Variants in ABCA13 observed in about 807,000 individuals in gnomAD.
ABCA13 encodes the protein ATP binding cassette subfamily A member 13.
Under a neutral mutation model 478.7 loss-of-function variants are expected in ABCA13, and 476 were observed. The observed-to-expected ratio is 0.99, with a 90% confidence interval of 0.92 to 1.07. ABCA13 has a LOEUF of 1.07. Ranked by LOEUF, ABCA13 falls within the 50% of genes least tolerant of loss-of-function variation. The pLI is 0.00. For synonymous variants in ABCA13, 2,252 were observed against 2,158.9 expected (o/e 1.04, Z -1.20); for missense variants, 6,060 against 5,910.6 (o/e 1.03, Z -0.83).
At chr7:48,243,760 CA>C (rs1437017433) in intron 10 of ABCA13, among the ~76,000 whole-genome samples, 2 of 152,228 alleles carry the variant, frequency 1.3e-5, no homozygotes, top group African/African-American at 4.8e-5. Context: ...GCCAGGCACT[CA>C]AAGCAGTGGG....
At chr7:48,413,336 A>G (rs899087245) in intron 41 of ABCA13, among the ~76,000 whole-genome samples, 2 of 152,172 alleles carry the variant, frequency 1.3e-5, no homozygotes, top group African/African-American at 4.8e-5. Flanking sequence ...CCCATCCCCC[A>G]GGTCCCACTT....
intron 55 of ABCA13, among the ~76,000 whole-genome samples, chr7:48,544,780 G>A (rs1918598): frequency 0.14 from 21,307 of 151,794 alleles, 2,082 homozygotes; most frequent in African/African-American, 0.23. Flanking sequence ...ATCCCTGGCC[G>A]ATCCCAAAAG....
At chr7:48,480,898 A>AGAACACC (rs1828686577) in intron 45 of ABCA13, 138 bp from the exon 46 acceptor site, 5 of 627,328 alleles carry the variant, frequency 8.0e-6, no homozygotes, top group Non-Finnish European at 1.4e-5. Flanking sequence ...TTTAGAAATT[A>AGAACACC]GAACATATAA....
At position 48,335,480 on chromosome 7, in the gene ABCA13, A is replaced by C; in HGVS notation, c.10058A>C (p.Glu3353Ala). 6.2e-7 allele frequency: 1 copy of C among 1,613,688 alleles called. No homozygotes were observed. Among genetic ancestry groups the C allele is most frequent in the Non-Finnish European group, 8.5e-7 (1 of 1,179,688 alleles). The change falls in exon 28 of 62, where the codon GAA becomes GCA. Residue 3353 changes from glutamate (E) to alanine (A), a missense_variant. Around this residue, in one of 3 missense-constraint regions of ABCA13, gnomAD observed 4,423 missense variants for 4,309.1 expected, o/e 1.03. Transcript: ENST00000435803. The part of the protein sequence containing the change: ...KLKTLSETLL[E>A]MSSLFQRSGS... ...AAAACTTTATCAGAAACACTGCTGG[A>C]AATGTCCAGCCTTTTCCAGAGAAGT... is the stretch of plus-strand genomic sequence containing the variant.
chr7:48,435,058 A>G (rs985962085), intron 42 of ABCA13, among the ~76,000 whole-genome samples: 1 of 151,872 alleles, frequency 6.6e-6, no homozygotes, highest in Admixed American at 6.6e-5. Flanking sequence ...TAGAAACTTT[A>G]GAAGAATTGT....
At chr7:48,628,603 A>G (rs776012573) in intron 59 of ABCA13, among the ~76,000 whole-genome samples, 1 of 152,174 alleles carries the variant, frequency 6.6e-6, no homozygotes, top group Non-Finnish European at 1.5e-5. Flanking sequence ...ATCTGAACAG[A>G]CTAATATTCC....
chr7:48,337,776 G>A (rs1349105886), intron 28 of ABCA13, among the ~76,000 whole-genome samples: 2 of 152,218 alleles, frequency 1.3e-5, no homozygotes, highest in African/African-American at 4.8e-5. Context: ...AAAGGGGCAA[G>A]ATGTCATGAA....
rs57426846 is a variant in ABCA13, at chr7:48,331,932, C to T, written c.10000-3490C>T. ...CAAGTCCCTGACCCCTGCCAGCCACCAATCAGGTCTTCATTTCTATAATTT... is the reference window on the plus strand; with the variant it reads ...CAAGTCCCTGACCCCTGCCAGCCACTAATCAGGTCTTCATTTCTATAATTT... On this transcript the variant is annotated intron_variant, in intron 27 of 61. Coordinates refer to ENST00000435803, the MANE Select transcript of ABCA13 (RefSeq NM_152701.5). Among the ~76,000 whole-genome samples the T allele has an allele frequency of 9.1e-3, 1,385 of 152,278 alleles. 30 individuals carry two copies. The highest frequency in any genetic ancestry group is 0.031 in the African/African-American group (1,305 of 41,542).
chr7:48,511,338 G>A (rs1831666359), intron 51 of ABCA13, 139 bp downstream of exon 51: 1 of 710,824 alleles, frequency 1.4e-6, no homozygotes. Flanking sequence ...AAGGGACACG[G>A]AGCAAACAAG....
At chr7:48,271,004 C>T (rs1438861686) in intron 16 of ABCA13, among the ~76,000 whole-genome samples, 1 of 152,166 alleles carries the variant, frequency 6.6e-6, no homozygotes, top group African/African-American at 2.4e-5. Context: ...GGTCTCACTG[C>T]GAAAGTGTTA....
chr7:48,248,266 T>C lies in ABCA13; in HGVS notation c.1687T>C (p.Trp563Arg). 1.2e-6 allele frequency: 2 copies of C among 1,613,616 alleles called. No homozygotes were observed. The highest frequency in any genetic ancestry group is 4.5e-5 in the East Asian group (2 of 44,888). The stretch of plus-strand genomic sequence containing the variant: ...TCGTATTTTGCAAGAGGTCATTACT[T>C]GGCACAAAAATATGTCAGTTTTAAT... Reference protein sequence around the residue: ...ADRILQEVITWHKNMSVLIPE... With the variant: ...ADRILQEVITRHKNMSVLIPE... Residue 563 changes from tryptophan (W) to arginine (R), a missense_variant, in exon 14 of 62, where the codon TGG becomes CGG. Physicochemically the swap from Trp to Arg is moderately radical, Grantham distance 101 (BLOSUM62 -3). This residue lies in a region of ABCA13 where 4,423 missense variants were observed against 4,309.1 expected (regional missense o/e 1.03). Transcript: ENST00000435803.
At chr7:48,296,861 A>C (rs1057252332) in intron 21 of ABCA13, among the ~76,000 whole-genome samples, 6 of 152,222 alleles carry the variant, frequency 3.9e-5, no homozygotes, top group African/African-American at 1.4e-4. Context: ...AAATTCTGCA[A>C]GTGACTTTTT....
intron 59 of ABCA13, among the ~76,000 whole-genome samples, chr7:48,621,954 T>C (rs542920779): frequency 7.2e-5 from 11 of 152,276 alleles, no homozygotes; most frequent in African/African-American, 2.4e-4. Flanking sequence ...TGGTAATTGA[T>C]TTCCCAGAAG....
At chr7:48,559,928 C>T (rs990018771) in intron 55 of ABCA13, among the ~76,000 whole-genome samples, 27 of 152,290 alleles carry the variant, frequency 1.8e-4, no homozygotes, top group African/African-American at 5.8e-4. Context: ...TCTCTCCTCT[C>T]TAACAGAAGG....
At chr7:48,420,906 C>T (rs189085396) in intron 41 of ABCA13, among the ~76,000 whole-genome samples, 1 of 152,252 alleles carries the variant, frequency 6.6e-6, no homozygotes, top group African/African-American at 2.4e-5. Context: ...TGTCAATCTG[C>T]AAGAATTCCT....
At chr7:48,463,649 G>A (rs896573193) in intron 43 of ABCA13, among the ~76,000 whole-genome samples, 3 of 152,092 alleles carry the variant, frequency 2.0e-5, no homozygotes, top group Non-Finnish European at 4.4e-5. Flanking sequence ...TAGAGCCCAA[G>A]ACCTCACCTG....
chr7:48,412,974 G>A (rs1819487313), intron 41 of ABCA13, among the ~76,000 whole-genome samples: 2 of 151,554 alleles, frequency 1.3e-5, no homozygotes, highest in South Asian at 4.2e-4. Context: ...ACCACGCCTG[G>A]CTAATTTTTT....
chr7:48,274,786 A>G lies in ABCA13; in HGVS notation c.5120A>G (p.Asn1707Ser), dbSNP rs761888029. The G allele has an allele frequency of 1.1e-5, 18 of 1,613,858 alleles. No individual in the cohort carries two copies. Among genetic ancestry groups the G allele is most frequent in the South Asian group, 1.1e-4 (10 of 91,092 alleles). The change falls in exon 17 of 62, where the codon AAT becomes AGT. Residue 1707 changes from asparagine to serine, a missense_variant. Physicochemically the swap from Asn to Ser is conservative, Grantham distance 46. Coordinates refer to ENST00000435803, the MANE Select transcript of ABCA13 (RefSeq NM_152701.5). ...SSVGTGNLVV[N>S]LLVGLMEKFA... ...GTGGGAACTGGCAATTTAGTGGTCA[A>G]TTTGCTTGTTGGCTTGATGGAAAAA...
At chr7:48,374,633 GAC>G (rs1813172886) in intron 34 of ABCA13, among the ~76,000 whole-genome samples, 3 of 152,174 alleles carry the variant, frequency 2.0e-5, no homozygotes, top group African/African-American at 7.2e-5. Context: ...CCTTGCTTCA[GAC>G]ACTATCCAGG....
Sources: gnomAD v4.1 joint callset for allele counts (sites outside exome capture counted in the v4.1 genomes callset) on GRCh38, gnomAD v4.1.1 for gene constraint, gnomAD v4.1.1 regional missense constraint, MANE v1.5 for transcripts, NCBI Gene and HGNC (gene_info 2026-07-23, HGNC 2026-07-21) for gene names.